PAPOLB: variants seen among roughly 807,000 people sequenced by gnomAD.
The protein encoded by PAPOLB is PAP-beta.
In PAPOLB, 19 loss-of-function variants were observed where a neutral mutation model predicts 23.2. The ratio of observed to expected loss-of-function variants is 0.82; its 90% CI spans 0.57 to 1.20. The LOEUF is 1.20. PAPOLB is among the 50% of genes most tolerant of loss of function. PAPOLB has a pLI of 0.00. For synonymous variants in PAPOLB, 360 were observed against 290.7 expected (o/e 1.24, Z -2.43); for missense variants, 822 against 776.8 (o/e 1.06, Z -0.69).
At position 4,861,768 on chromosome 7, in the gene PAPOLB, C is replaced by A. The variant is rs1418463069; in HGVS notation, c.43G>T (p.Ala15Ser). ...ACGCCGTAGCGATTCGGCGGCGGCG[C>A]CGGCTGCGGTGGTCCCTGGGTTGTC... is the stretch of plus-strand genomic sequence containing the variant. ...PVTTQGPPQP[A>S]PPPNRYGVSS... The change falls in exon 1 of 1, where the codon GCG becomes TCG. Residue 15 changes from alanine (A) to serine (S), a missense_variant. Coordinates refer to ENST00000404991, the MANE Select transcript of PAPOLB (RefSeq NM_020144.5). 6.7e-7 allele frequency: 1 copy of A among 1,487,444 alleles called. No individual in the cohort carries two copies. Among genetic ancestry groups the A allele is most frequent in the Admixed American group, 2.5e-5 (1 of 40,406 alleles). The allele number at this position is 1,487,444 out of a possible 1,614,324, so 92.1% of individuals were successfully genotyped here. A position where few individuals can be genotyped will look rare whatever the true frequency, so the allele number is the denominator to read the frequency against.
In PAPOLB at chr7:4,860,265, A is replaced by C; in HGVS notation, c.1546T>G (p.Leu516Val). ...AAGCTGCTGTCGTTCAAATCTGTCA[A>C]TCTTCTACCTTCTGTTGAGTGTGCT... is the stretch of plus-strand genomic sequence containing the variant. ...KKAHSTEGRR[L>V]TDLNDSSFDL... Residue 516 changes from leucine (L) to valine (V), a missense_variant, in exon 1 of 1, where the codon TTG (leucine) becomes GTG (valine). By Grantham distance (32) the Leu-to-Val change is conservative. Around this residue, in one of 3 missense-constraint regions of PAPOLB, gnomAD observed 534 missense variants for 502.8 expected, o/e 1.06. Coordinates refer to ENST00000404991, the MANE Select transcript of PAPOLB (RefSeq NM_020144.5). 1.2e-6 allele frequency: 2 copies of C among 1,613,934 alleles called. No homozygotes were observed. The highest frequency in any genetic ancestry group is 1.7e-6 in the Non-Finnish European group (2 of 1,179,832).
chr7:4,861,805 C>T lies in PAPOLB; in HGVS notation c.6G>A (p.Met2Ile), dbSNP rs966996559. Residue 2 changes from methionine (M) to isoleucine (I), a missense_variant, in exon 1 of 1, where the codon ATG becomes ATA. This residue lies in a region of PAPOLB where 276 missense variants were observed against 243.9 expected (regional missense o/e 1.13). Coordinates refer to ENST00000404991, the MANE Select transcript of PAPOLB (RefSeq NM_020144.5). M[M>I]PFPVTTQGPP... ...GTCCCTGGGTTGTCACCGGAAACGG[C>T]ATCATCTTTCAGCGCCCGCCCCGCC... The T allele has an allele frequency of 4.1e-6, 6 of 1,449,374 alleles. No individual in the cohort carries two copies. Among genetic ancestry groups the T allele is most frequent in the Non-Finnish European group, 4.5e-6 (5 of 1,103,404 alleles). The allele number at this position is 1,449,374 out of a possible 1,614,324, so 89.8% of individuals were successfully genotyped here.
rs1783992217 is a variant in PAPOLB, at chr7:4,861,441, G to A, written c.370C>T (p.His124Tyr). 6.2e-7 allele frequency: 1 copy of A among 1,614,122 alleles called. No homozygotes were observed. Among genetic ancestry groups the A allele is most frequent in the Non-Finnish European group, 8.5e-7 (1 of 1,180,002 alleles). ...DIDALCVAPS[H>Y]VDRSDFFTSF... ...GTGAAAAAGTCGCTTCGATCCACAT[G>A]ACTTGGTGCAACGCACAAGGCGTCA... Residue 124 changes from histidine (H) to tyrosine (Y), a missense_variant, in exon 1 of 1, where the codon CAT becomes TAT. Coordinates refer to ENST00000404991, the MANE Select transcript of PAPOLB (RefSeq NM_020144.5).
chr7:4,860,919 A>G lies in PAPOLB; in HGVS notation c.892T>C (p.Leu298=). 1 of 1,614,192 alleles carries G rather than the reference A, an allele frequency of 6.2e-7. No individual in the cohort carries two copies. The highest frequency in any genetic ancestry group is 1.1e-5 in the South Asian group (1 of 91,082). ...TTTACTCTTGGGTCCCATACAGGCA[A>G]ATTAAGATTCCGTTCTTCAGGCTCC... is the stretch of plus-strand genomic sequence containing the variant. ...LKEPEERNLN[L]PVWDPRVNPS... Residue 298 remains leucine (L), a synonymous_variant, in exon 1 of 1, where the codon TTG becomes CTG. Coordinates refer to ENST00000404991, the MANE Select transcript of PAPOLB (RefSeq NM_020144.5).
In PAPOLB at chr7:4,861,825, C is replaced by T; in HGVS notation, c.-15G>A. On this transcript the variant is annotated 5_prime_UTR_variant, in exon 1 of 1. Transcript: ENST00000404991. ...AACGGCATCATCTTTCAGCGCCCGC[C>T]CCGCCAGGGCACGTCCCCCACCACC... is the stretch of plus-strand genomic sequence containing the variant. The T allele has an allele frequency of 7.0e-7, 1 of 1,421,440 alleles. No individual in the cohort carries two copies. The highest frequency in any genetic ancestry group is 9.2e-7 in the Non-Finnish European group (1 of 1,088,386). The allele number at this position is 1,421,440 out of a possible 1,614,324, so 88.1% of individuals were successfully genotyped here.
chr7:4,860,149 A>G lies in PAPOLB; in HGVS notation c.1662T>C (p.Gly554=). 1 of 1,614,004 alleles carries G rather than the reference A, an allele frequency of 6.2e-7. No homozygotes were observed. Among genetic ancestry groups the G allele is most frequent in the Non-Finnish European group, 8.5e-7 (1 of 1,179,874 alleles). The change falls in exon 1 of 1, where the codon GGT becomes GGC. Residue 554 remains glycine, a synonymous_variant. Coordinates refer to ENST00000404991, the MANE Select transcript of PAPOLB (RefSeq NM_020144.5). ...TTACAGCCAAGGCAGGACTGTTTCTACCCTGAGAACTGCTAATCAATGGGC... is the reference window on the plus strand; with the variant it reads ...TTACAGCCAAGGCAGGACTGTTTCTGCCCTGAGAACTGCTAATCAATGGGC... ...KTGPLISSSQ[G]RNSPALAVMT...
At position 4,861,994 on chromosome 7, in the gene PAPOLB, T is replaced by G. The variant is rs1406950518; in HGVS notation, c.-184A>C. ...CTCCTCCTTCCCCTCAGCCCCAACA[T>G]GGCGCCAGACCCCTCAGCGGCTGCG... is the stretch of plus-strand genomic sequence containing the variant. On this transcript the variant is annotated 5_prime_UTR_variant, in exon 1 of 1. It removes an upstream start codon present in the reference 5' UTR. Coordinates refer to ENST00000404991, the MANE Select transcript of PAPOLB (RefSeq NM_020144.5). The G allele has an allele frequency of 4.5e-6, 2 of 446,404 alleles. No homozygotes were observed. Among genetic ancestry groups the G allele is most frequent in the Non-Finnish European group, 7.9e-6 (2 of 252,162 alleles). 27.7% of individuals were successfully genotyped at this position (446,404 alleles called of 1,614,324 possible). A position where few individuals can be genotyped will look rare whatever the true frequency, so the allele number is the denominator to read the frequency against.
chr7:4,859,760 G>T lies in PAPOLB; in HGVS notation c.*137C>A. On this transcript the variant is annotated 3_prime_UTR_variant, in exon 1 of 1. Transcript: ENST00000404991. ...GGAAAGATCTATACTGATGTTCCCT[G>T]AGAGGCCAATAGAGAAGATGCTGTC... 2 of 622,006 alleles carry T rather than the reference G, an allele frequency of 3.2e-6. No homozygotes were observed. The highest frequency in any genetic ancestry group is 4.0e-5 in the South Asian group (2 of 49,802). The allele number at this position is 622,006 out of a possible 1,614,324, so 38.5% of individuals were successfully genotyped here.
rs1232396380 is a variant in PAPOLB, at chr7:4,860,503, T to G, written c.1308A>C (p.Thr436=). 5 of 1,614,170 alleles carry G rather than the reference T, an allele frequency of 3.1e-6. No homozygotes were observed. Among genetic ancestry groups the G allele is most frequent in the Non-Finnish European group, 3.4e-6 (4 of 1,179,992 alleles). The change falls in exon 1 of 1, where the codon ACA becomes ACC. Residue 436 remains threonine (T), a synonymous_variant. Transcript: ENST00000404991. ...TTAGCCCTAACCCAATCACCCACAT[T>G]GTACGAAATTCTTCCATATCAGGAT... is the stretch of plus-strand genomic sequence containing the variant. ...KENPDMEEFR[T]MWVIGLGLKK... is the part of the protein sequence containing the mutation.
At position 4,861,637 on chromosome 7, in the gene PAPOLB, T is replaced by C. The variant is rs760261801; in HGVS notation, c.174A>G (p.Glu58=). ...CCAAAACTAAAATCCTGCGCTGCAG[T>C]TCCTCTTCCTCTTCGAAGACCCCGA... ...RPFGVFEEEE[E]LQRRILVLEK... Residue 58 remains glutamate, a synonymous_variant, in exon 1 of 1, where the codon GAA becomes GAG. Coordinates refer to ENST00000404991, the MANE Select transcript of PAPOLB (RefSeq NM_020144.5). 8.1e-6 allele frequency: 13 copies of C among 1,608,224 alleles called. No individual in the cohort carries two copies. Among genetic ancestry groups the C allele is most frequent in the Non-Finnish European group, 1.1e-5 (13 of 1,177,276 alleles).
In PAPOLB at chr7:4,861,008, G is replaced by A; in HGVS notation, c.803C>T (p.Thr268Ile). ...TACCAAGAAGAATTTCCGTACAAGA[G>A]TTGACGCTACTGCATTTGGATAAAG... The part of the protein sequence containing the change: ...CQLYPNAVAS[T>I]LVRKFFLVFS... The change falls in exon 1 of 1, where the codon ACT (threonine) becomes ATT (isoleucine). Residue 268 changes from threonine (T) to isoleucine (I), a missense_variant. Coordinates refer to ENST00000404991, the MANE Select transcript of PAPOLB (RefSeq NM_020144.5). 2 of 1,614,202 alleles carry A rather than the reference G, an allele frequency of 1.2e-6. No homozygotes were observed. Among genetic ancestry groups the A allele is most frequent in the Non-Finnish European group, 1.7e-6 (2 of 1,180,026 alleles).
At position 4,860,275 on chromosome 7, in the gene PAPOLB, T is replaced by C. The variant is rs746448503; in HGVS notation, c.1536A>G (p.Glu512=). ...CGTTCAAATCTGTCAATCTTCTACC[T>C]TCTGTTGAGTGTGCTTTCTTGTCCT... ...VLQDKKAHST[E]GRRLTDLNDS... Residue 512 remains glutamate, a synonymous_variant, in exon 1 of 1, where the codon GAA becomes GAG. Transcript: ENST00000404991. 11 of 1,613,904 alleles carry C rather than the reference T, an allele frequency of 6.8e-6. No individual in the cohort carries two copies. The Admixed American group carries it at 1.5e-4, about 22-fold the overall frequency.
rs372781458 is a variant in PAPOLB, at chr7:4,860,077, T to C, written c.1734A>G (p.Gln578=). ...CTGAACTTTCATTGGTATTCACCTG[T>C]TGCAAGGAAAATTCAGTAGCCTGTA... ...ANIQATEFSL[Q]QVNTNESSGV... is the part of the protein sequence containing the mutation. Residue 578 remains glutamine (Q), a synonymous_variant, in exon 1 of 1, where the codon CAA becomes CAG. Coordinates refer to ENST00000404991, the MANE Select transcript of PAPOLB (RefSeq NM_020144.5). The C allele has an allele frequency of 1.2e-6, 2 of 1,613,942 alleles. No homozygotes were observed. The highest frequency in any genetic ancestry group is 1.3e-5 in the African/African-American group (1 of 74,944).
Position 4,861,920 on chromosome 7 carries a change from G to T in PAPOLB, c.-110C>A. 1.5e-6 allele frequency: 1 copy of T among 659,150 alleles called. No homozygotes were observed. Among genetic ancestry groups the T allele is most frequent in the Non-Finnish European group, 2.3e-6 (1 of 434,958 alleles). 40.8% of individuals were successfully genotyped at this position (659,150 alleles called of 1,614,324 possible). ...AAGGGCAGGGCTTCTAGCTGCCCTG[G>T]TCCGACCCCACTCCCACTCCCGCTG... is the stretch of plus-strand genomic sequence containing the variant. On this transcript the variant is annotated 5_prime_UTR_variant, in exon 1 of 1. Coordinates refer to ENST00000404991, the MANE Select transcript of PAPOLB (RefSeq NM_020144.5).
At position 4,861,630 on chromosome 7, in the gene PAPOLB, G is replaced by T; in HGVS notation, c.181C>A (p.Arg61Ser). The change falls in exon 1 of 1, where the codon CGC becomes AGC. Residue 61 changes from arginine to serine, a missense_variant. Physicochemically the swap from Arg to Ser is moderately radical, Grantham distance 110. Coordinates refer to ENST00000404991, the MANE Select transcript of PAPOLB (RefSeq NM_020144.5). ...AATTTTTCCAAAACTAAAATCCTGC[G>T]CTGCAGTTCCTCTTCCTCTTCGAAG... ...GVFEEEEELQ[R>S]RILVLEKLNN... 2 of 1,610,676 alleles carry T rather than the reference G, an allele frequency of 1.2e-6. No individual in the cohort carries two copies. The highest frequency in any genetic ancestry group is 1.7e-6 in the Non-Finnish European group (2 of 1,178,422).
At position 4,859,727 on chromosome 7, in the gene PAPOLB, G is replaced by A; in HGVS notation, c.*170C>T. ...AGGAATTGGATTTGCAGGGAGAACAGGGATACCGGAAAGATCTATACTGAT... is the reference window on the plus strand; with the variant it reads ...AGGAATTGGATTTGCAGGGAGAACAAGGATACCGGAAAGATCTATACTGAT... On this transcript the variant is annotated 3_prime_UTR_variant, in exon 1 of 1. Coordinates refer to ENST00000404991, the MANE Select transcript of PAPOLB (RefSeq NM_020144.5). 1.7e-6 allele frequency: 1 copy of A among 597,940 alleles called. No individual in the cohort carries two copies. Among genetic ancestry groups the A allele is most frequent in the Admixed American group, 3.0e-5 (1 of 32,850 alleles). 37.0% of individuals were successfully genotyped at this position (597,940 alleles called of 1,614,324 possible). A position where few individuals can be genotyped will look rare whatever the true frequency, so the allele number is the denominator to read the frequency against.
chr7:4,861,855 C>CCTTCACGTCCCCCACCACCGCGAA lies in PAPOLB; in HGVS notation c.-46_-45insTTCGCGGTGGTGGGGGACGTGAAG. On this transcript the variant is annotated 5_prime_UTR_variant, in exon 1 of 1. Coordinates refer to ENST00000404991, the MANE Select transcript of PAPOLB (RefSeq NM_020144.5). ...CAGGGCACGTCCCCCACCACCGCGA[C>CCTTCACGTCCCCCACCACCGCGAA]CTTCGCGGCCGCCGCCCGGGTCATG... 1 of 1,310,812 alleles carries CCTTCACGTCCCCCACCACCGCGAA rather than the reference C, an allele frequency of 7.6e-7. No homozygotes were observed. The highest frequency in any genetic ancestry group is 1.0e-6 in the Non-Finnish European group (1 of 1,004,272). The allele number at this position is 1,310,812 out of a possible 1,614,324, so 81.2% of individuals were successfully genotyped here.
rs1245462019 is a variant in PAPOLB at position 4,858,953 on chromosome 7, T to A, written c.*944A>T. 1 of 152,220 alleles carries A rather than the reference T, an allele frequency of 6.6e-6. No individual in the cohort carries two copies. Among genetic ancestry groups the A allele is most frequent in the African/African-American group, 2.4e-5 (1 of 41,454 alleles). 9.4% of individuals were successfully genotyped at this position (152,220 alleles called of 1,614,324 possible). On this transcript the variant is annotated 3_prime_UTR_variant, in exon 1 of 1. Transcript: ENST00000404991. ...ATTGAGGACAAGAGAATATGGAGCTTTGATAGCTCAAAGAAAATGTTTGAT... is the reference window on the plus strand; with the variant it reads ...ATTGAGGACAAGAGAATATGGAGCTATGATAGCTCAAAGAAAATGTTTGAT...
rs376338742 is a variant in PAPOLB at position 4,860,450 on chromosome 7, C to G, written c.1361G>C (p.Ser454Thr). ...CTGGATATCATAGGTGAGATCAATG[C>G]TGAGAATTTCAGAATTATCTGGCTT... ...LKKPDNSEIL[S>T]IDLTYDIQSF... Residue 454 changes from serine to threonine, a missense_variant, in exon 1 of 1, where the codon AGC becomes ACC. Ser to Thr is a moderately conservative substitution (Grantham distance 58). Transcript: ENST00000404991. 1.4e-5 allele frequency: 22 copies of G among 1,614,064 alleles called. No homozygotes were observed. Among genetic ancestry groups the G allele is most frequent in the Non-Finnish European group, 1.9e-5 (22 of 1,180,012 alleles).
Sources: allele counts gnomAD v4.1 joint callset, GRCh38; gene constraint gnomAD v4.1.1; regional missense constraint gnomAD v4.1.1; transcripts MANE v1.5; gene names NCBI Gene and HGNC (gene_info 2026-07-23, HGNC 2026-07-21).